The following AMZ1 variants were observed in gnomAD, a reference collection of about 807,000 sequenced individuals.
AMZ1 encodes the protein archaelysin family metallopeptidase 1.
A neutral mutation model predicts 29.9 loss-of-function variants in AMZ1; 39 were observed. The ratio of observed to expected loss-of-function variants is 1.30; its 90% CI spans 1.01 to 1.70. The LOEUF (loss-of-function observed/expected upper bound fraction) is 1.70, where lower values mean the gene tolerates loss of function less well. Among genes scored for constraint, AMZ1 ranks in the 40% most tolerant of loss-of-function variants. The probability of loss-of-function intolerance (pLI) is 0.00; values close to 1 mark genes in which losing one functional copy is unlikely to be tolerated. For synonymous variants in AMZ1, 458 were observed against 304.0 expected (o/e 1.51, Z -5.27); for missense variants, 1,041 against 680.6 (o/e 1.53, Z -5.89).
chr7:2,758,442 C>G (rs954378823), intron 4 of AMZ1, among the ~76,000 whole-genome samples: 5 of 152,174 alleles, frequency 3.3e-5, no homozygotes, highest in Non-Finnish European at 5.9e-5. Flanking sequence ...TCTGTGCTGT[C>G]AGGGTTCTAA....
intron 2 of AMZ1, among the ~76,000 whole-genome samples, chr7:2,701,236 AAAAG>A (rs201658362): frequency 0.029 from 4,394 of 151,736 alleles, 222 homozygotes; most frequent in African/African-American, 0.1. Context: ...CTCAAAAAAA[AAAAG>A]ACCACTTTCT....
chr7:2,729,305 C>G (rs1789765778), intron 4 of AMZ1: 1 of 152,410 alleles, frequency 6.6e-6, no homozygotes, highest in Non-Finnish European at 1.5e-5. Context: ...CAAATGGGAC[C>G]TGAGACCACC....
intron 4 of AMZ1, among the ~76,000 whole-genome samples, chr7:2,756,150 A>G (rs1197396425): frequency 1.3e-5 from 2 of 152,182 alleles, no homozygotes; most frequent in African/African-American, 4.8e-5. Flanking sequence ...GCCCCCACAT[A>G]TATGGCCAAT....
chr7:2,690,586 G>C (rs1351133000), intron 1 of AMZ1, among the ~76,000 whole-genome samples: 1 of 152,138 alleles, frequency 6.6e-6, no homozygotes, highest in Non-Finnish European at 1.5e-5. Context: ...AGGTGGTGTT[G>C]TGTCTCTGGC....
intron 1 of AMZ1, among the ~76,000 whole-genome samples, chr7:2,680,577 G>A (rs897792647): frequency 6.6e-6 from 1 of 152,198 alleles, no homozygotes; most frequent in Non-Finnish European, 1.5e-5. Flanking sequence ...TAGGGGCTCC[G>A]TCCTCATTTT....
intron 1 of AMZ1, among the ~76,000 whole-genome samples, chr7:2,696,301 G>A (rs1337046335): frequency 7.2e-6 from 1 of 139,734 alleles, no homozygotes; most frequent in Non-Finnish European, 1.5e-5. Flanking sequence ...CTGTCACCCA[G>A]GCTGGAGTGC....
rs976604812 is a variant in AMZ1 at position 2,727,339 on chromosome 7, C to CA, written n.550+17526dup. Among the ~76,000 whole-genome samples the CA allele has an allele frequency of 2.6e-5, 4 of 152,192 alleles. 1 individual carries two copies. In the South Asian group the frequency reaches 6.2e-4, roughly 24 times the overall value. On this transcript the variant is annotated intron_variant and non_coding_transcript_variant, in intron 4 of 4. Coordinates refer to the AMZ1 transcript ENST00000489665. ...TTGTGATCCGCTCGCCTCGGACTCT[C>CA]AAAGTGCTGGGATTACAGGCATGAG...
chr7:2,689,882 C>A (rs778875416), intron 1 of AMZ1, among the ~76,000 whole-genome samples: 1 of 152,170 alleles, frequency 6.6e-6, no homozygotes, highest in East Asian at 1.9e-4. Flanking sequence ...AGGCGGCTCC[C>A]TCCCCGTGGG....
At chr7:2,728,316 C>A (rs942596078) in intron 4 of AMZ1, 1 of 152,240 alleles carries the variant, frequency 6.6e-6, no homozygotes, top group Non-Finnish European at 1.5e-5. Context: ...AAATTAGTTA[C>A]AACTAATAAT....
intron 4 of AMZ1, among the ~76,000 whole-genome samples, chr7:2,734,135 G>A (rs981704589): frequency 6.6e-6 from 1 of 152,132 alleles, no homozygotes; most frequent in African/African-American, 2.4e-5. Context: ...AATCTGAGAC[G>A]TGTTCCATAG....
chr7:2,750,630 C>T (rs907883810), intron 4 of AMZ1, among the ~76,000 whole-genome samples: 8 of 152,238 alleles, frequency 5.3e-5, no homozygotes, highest in African/African-American at 1.9e-4. Context: ...GTACTGTATT[C>T]ATCCCCTTTT....
upstream of AMZ1, among the ~76,000 whole-genome samples, chr7:2,686,691 A>G (rs1787089791): frequency 6.6e-6 from 1 of 150,604 alleles, no homozygotes; most frequent in Non-Finnish European, 1.5e-5. Context: ...CACACCGGAC[A>G]CCTAGTGTTG....
At chr7:2,711,821 G>A (rs1321367350) in intron 6 of AMZ1, among the ~76,000 whole-genome samples, 2 of 152,136 alleles carry the variant, frequency 1.3e-5, no homozygotes, top group Non-Finnish European at 2.9e-5. Flanking sequence ...AGGTGGGTGG[G>A]TCATCTGAGG....
chr7:2,758,539 G>A (rs1448359295), intron 4 of AMZ1, among the ~76,000 whole-genome samples: 1 of 152,142 alleles, frequency 6.6e-6, no homozygotes, highest in Non-Finnish European at 1.5e-5. Flanking sequence ...TATCTCCTGT[G>A]ATTGGGCGAC....
rs138304463 is a variant in AMZ1 at position 2,708,716 on chromosome 7, G to C, written c.601G>C (p.Glu201Gln). 1.5e-5 allele frequency: 24 copies of C among 1,612,310 alleles called. No individual in the cohort carries two copies. In the South Asian group the frequency reaches 2.1e-4, roughly 14 times the overall value. Residue 201 changes from glutamate (E) to glutamine (Q), a missense_variant and splice_region_variant, in exon 4 of 7, where the codon GAA (glutamate) becomes CAA (glutamine). Coordinates refer to ENST00000683327, the MANE Select transcript of AMZ1 (RefSeq NM_001384743.1). ...CTTCAGCAAGTTCCTTCCAGGGCAC[G>C]GTGAGCCGGGGCCCCAGCAGCTGTG... ...FTFSKFLPGHEVGVCSFARFS... is the reference protein window; with the variant it reads ...FTFSKFLPGHQVGVCSFARFS...
rs1789273529 is a variant in AMZ1 at position 2,718,658 on chromosome 7, TCAC to T, written c.*5783_*5785del. Among the ~76,000 whole-genome samples the T allele has an allele frequency of 6.6e-6, 1 of 152,204 alleles. No individual in the cohort carries two copies. Among genetic ancestry groups the T allele is most frequent in the African/African-American group, 2.4e-5 (1 of 41,470 alleles). On this transcript the variant is annotated 3_prime_UTR_variant, in exon 7 of 7. Transcript: ENST00000683327. ...TCAGCAGCAGAAGGCAGTGGACTCT[TCAC>T]CATTTCTTCCAACACTTTCTCACGT...
In AMZ1 at chr7:2,717,142, G is replaced by A. The variant is rs1789172708; in HGVS notation, c.*4264G>A. On this transcript the variant is annotated 3_prime_UTR_variant, in exon 7 of 7. Transcript: ENST00000683327. ...GTGCAGCTCCTTCGGACTCTGAGGA[G>A]AGGCCTGGGTGGGTGGCCGGCACTC... Among the ~76,000 whole-genome samples, 2 of 152,190 alleles carry A rather than the reference G, an allele frequency of 1.3e-5. No individual in the cohort carries two copies. The highest frequency in any genetic ancestry group is 4.1e-4 in the South Asian group (2 of 4,830).
chr7:2,701,599 C>G (rs936385766), intron 2 of AMZ1, among the ~76,000 whole-genome samples: 16 of 152,202 alleles, frequency 1.1e-4, no homozygotes, highest in African/African-American at 3.6e-4. Flanking sequence ...AGGGCCAGCT[C>G]TGTGCCTCTC....
chr7:2,699,400 G>T (rs927148109), intron 1 of AMZ1, among the ~76,000 whole-genome samples: 1 of 152,148 alleles, frequency 6.6e-6, no homozygotes, highest in African/African-American at 2.4e-5. Context: ...ATCCGCTGTT[G>T]CTTCTCCACT....
Sources: allele counts gnomAD v4.1 joint callset (sites outside exome capture counted in the v4.1 genomes callset), GRCh38; gene constraint gnomAD v4.1.1; transcripts MANE v1.5; gene names NCBI Gene and HGNC (gene_info 2026-07-23, HGNC 2026-07-21).